The following OPCML variants were observed in gnomAD, a reference collection of about 807,000 sequenced individuals.
OPCML encodes opioid-binding protein/cell adhesion molecule.
A neutral mutation model predicts 37.8 loss-of-function variants in OPCML; 13 were observed. That is an observed-to-expected ratio of 0.34 (90% CI 0.22 to 0.55). The LOEUF (loss-of-function observed/expected upper bound fraction) is 0.55. Among genes scored for constraint, OPCML ranks in the 20% least tolerant of loss-of-function variants. The pLI is 0.91. For synonymous variants in OPCML, 176 were observed against 168.8 expected (o/e 1.04, Z -0.33); for missense variants, 341 against 435.6 (o/e 0.78, Z 1.93).
chr11:133,047,668 C>A (rs1948044736), intron 1 of OPCML, among the ~76,000 whole-genome samples: 1 of 152,194 alleles, frequency 6.6e-6, no homozygotes, highest in Non-Finnish European at 1.5e-5. Context: ...TTCTCCACCC[C>A]TCCTCCGTCT....
At chr11:132,913,616 A>G (rs905332166) in intron 2 of OPCML, among the ~76,000 whole-genome samples, 1 of 152,170 alleles carries the variant, frequency 6.6e-6, no homozygotes, top group African/African-American at 2.4e-5. Flanking sequence ...TCAGTCCAGT[A>G]TAGTGCCGTG....
In OPCML at chr11:132,882,787, A is replaced by C. The variant is rs1308181009; in HGVS notation, c.146+60139T>G. Among the ~76,000 whole-genome samples, 3 of 152,210 alleles carry C rather than the reference A, an allele frequency of 2.0e-5. No individual in the cohort carries two copies. The East Asian group carries it at 5.8e-4, about 29-fold the overall frequency. On this transcript the variant is annotated intron_variant, in intron 2 of 7. Transcript: ENST00000524381. Reference sequence around the variant, plus strand: ...AAATGCTTACATCTGCTTGAGAAGCAGTAGAAATGTAAGATTGCATAGGCC... The same window carrying C: ...AAATGCTTACATCTGCTTGAGAAGCCGTAGAAATGTAAGATTGCATAGGCC...
intron 1 of OPCML, among the ~76,000 whole-genome samples, chr11:133,425,841 T>C (rs890629953): frequency 1.3e-5 from 2 of 152,218 alleles, no homozygotes; most frequent in South Asian, 2.1e-4. Flanking sequence ...TTTTCACCTA[T>C]AATTCATTTT....
chr11:132,432,307 G>C (rs1472616037), intron 7 of OPCML, among the ~76,000 whole-genome samples: 1 of 152,170 alleles, frequency 6.6e-6, no homozygotes, highest in Non-Finnish European at 1.5e-5. Context: ...ATAATTATGG[G>C]GGCATTGAGG....
At position 132,584,716 on chromosome 11, in the gene OPCML, G is replaced by A. The variant is rs541126900; in HGVS notation, c.380-55530C>T. On this transcript the variant is annotated intron_variant, in intron 3 of 7. Coordinates refer to ENST00000524381, the MANE Select transcript of OPCML (RefSeq NM_001012393.5). The stretch of plus-strand genomic sequence containing the variant: ...ATTATAGGATTCCCCAATAATACAG[G>A]CCAGGTAACAGTTGTAAAATAAAAA... Among the ~76,000 whole-genome samples, 4 of 152,150 alleles carry A rather than the reference G, an allele frequency of 2.6e-5. No homozygotes were observed. The South Asian group carries it at 8.3e-4, about 32-fold the overall frequency.
At chr11:132,840,711 A>G (rs372396397) in intron 2 of OPCML, among the ~76,000 whole-genome samples, 1 of 152,238 alleles carries the variant, frequency 6.6e-6, no homozygotes, top group East Asian at 1.9e-4. Context: ...AACGTTATTC[A>G]CATTCGCTTT....
intron 1 of OPCML, among the ~76,000 whole-genome samples, chr11:133,113,025 T>C (rs1949280994): frequency 6.6e-6 from 1 of 152,230 alleles, no homozygotes; most frequent in Non-Finnish European, 1.5e-5. Flanking sequence ...AGAATATATA[T>C]GCCCCTTTCA....
intron 2 of OPCML, among the ~76,000 whole-genome samples, chr11:132,820,091 GAA>G (rs1565887203): frequency 2.0e-5 from 2 of 98,490 alleles, no homozygotes; most frequent in Non-Finnish European, 3.8e-5. Context: ...ATGAATGAAT[GAA>G]TGAATGAATG....
At chr11:133,023,487 C>A (rs919644826) in intron 1 of OPCML, among the ~76,000 whole-genome samples, 1 of 152,186 alleles carries the variant, frequency 6.6e-6, no homozygotes, top group Admixed American at 6.5e-5. Context: ...CACTATCCAT[C>A]ACCTTACCAC....
rs76784367 is a variant in OPCML at position 133,525,601 on chromosome 11, C to G, written c.61+6663G>C. Among the ~76,000 whole-genome samples, 946 of 152,264 alleles carry G rather than the reference C, an allele frequency of 6.2e-3. 9 individuals are homozygous for G. Among genetic ancestry groups the G allele is most frequent in the African/African-American group, 0.022 (905 of 41,562 alleles). The stretch of plus-strand genomic sequence containing the variant: ...GTCTCTTAGTGAGGAACAAATGAGA[C>G]CAAAGATAAGTTTTTCCAGGTGATC... On this transcript the variant is annotated intron_variant, in intron 1 of 7. Transcript: ENST00000524381.
intron 1 of OPCML, among the ~76,000 whole-genome samples, chr11:133,001,107 C>A (rs1946993570): frequency 6.6e-6 from 1 of 152,176 alleles, no homozygotes; most frequent in African/African-American, 2.4e-5. Context: ...CACCTCTTTT[C>A]TTTATGGGTT....
chr11:132,601,115 A>T (rs1937857329), intron 3 of OPCML, among the ~76,000 whole-genome samples: 1 of 152,124 alleles, frequency 6.6e-6, no homozygotes, highest in African/African-American at 2.4e-5. Flanking sequence ...CTGTAAAATG[A>T]CTATTTGGGG....
intron 1 of OPCML, among the ~76,000 whole-genome samples, chr11:132,953,573 C>T (rs1945910405): frequency 1.3e-5 from 2 of 152,098 alleles, no homozygotes; most frequent in Admixed American, 6.5e-5. Flanking sequence ...ATATTGAGAC[C>T]TACAAGCCAT....
intron 1 of OPCML, among the ~76,000 whole-genome samples, chr11:133,305,160 C>T (rs1260856361): frequency 6.6e-6 from 1 of 152,178 alleles, no homozygotes; most frequent in Admixed American, 6.5e-5. Context: ...TAATATTTAT[C>T]TCACAGAGAT....
intron 1 of OPCML, among the ~76,000 whole-genome samples, chr11:133,419,967 C>T (rs1290839580): frequency 6.6e-6 from 1 of 152,142 alleles, no homozygotes; most frequent in Non-Finnish European, 1.5e-5. Context: ...TCAACCAACA[C>T]CCATGTCGGA....
At chr11:132,542,235 C>G (rs4641491) in intron 3 of OPCML, among the ~76,000 whole-genome samples, 5 of 151,944 alleles carry the variant, frequency 3.3e-5, no homozygotes, top group African/African-American at 7.3e-5. Flanking sequence ...GGAAAGATGC[C>G]TGGGCTGAGA....
At chr11:132,466,317 CAAAAA>C (rs35491939) in intron 4 of OPCML, among the ~76,000 whole-genome samples, 2 of 105,282 alleles carry the variant, frequency 1.9e-5, no homozygotes, top group African/African-American at 6.5e-5. Context: ...ACTAAAAATA[CAAAAA>C]AAAAAAAAAA....
chr11:132,543,962 T>C (rs2096363180), intron 3 of OPCML, among the ~76,000 whole-genome samples: 2 of 152,122 alleles, frequency 1.3e-5, no homozygotes, highest in South Asian at 4.1e-4. Flanking sequence ...ATTTTCTTAC[T>C]CTTGAAAAAG....
intron 1 of OPCML, among the ~76,000 whole-genome samples, chr11:133,495,737 C>A (rs1007610254): frequency 5.3e-5 from 8 of 151,258 alleles, no homozygotes; most frequent in African/African-American, 1.5e-4. Flanking sequence ...CTTAACCCAC[C>A]TTTTGATGGG....
Sources: allele counts gnomAD v4.1 joint callset (sites outside exome capture counted in the v4.1 genomes callset), GRCh38; gene constraint gnomAD v4.1.1; transcripts MANE v1.5; gene names NCBI Gene and HGNC (gene_info 2026-07-23, HGNC 2026-07-21).